VPS13D: variants seen among roughly 807,000 people sequenced by gnomAD.
VPS13D encodes intermembrane lipid transfer protein VPS13D.
Under a neutral mutation model 461.9 loss-of-function variants are expected in VPS13D, and 187 were observed. The ratio of observed to expected loss-of-function variants is 0.40; its 90% CI spans 0.36 to 0.46. The LOEUF (loss-of-function observed/expected upper bound fraction) is 0.46, where lower values mean the gene tolerates loss of function less well. Ranked by LOEUF, VPS13D falls within the 20% of genes least tolerant of loss-of-function variation. The pLI is 0.60. For missense variants in VPS13D, 4,711 were observed against 5,364.9 expected, an observed-to-expected ratio of 0.88 and a Z score of 3.81; for synonymous variants, 1,951 against 1,986.3, an observed-to-expected ratio of 0.98 and a Z score of 0.47.
At chr1:12,373,277 T>C (rs1644150789) in intron 54 of VPS13D, among the ~76,000 whole-genome samples, 1 of 151,634 alleles carries the variant, frequency 6.6e-6, no homozygotes, top group African/African-American at 2.4e-5. Flanking sequence ...CCTGCCTCCA[T>C]GCCCGGCTAA....
Position 12,279,776 on chromosome 1 carries a change from A to G in VPS13D, c.4602+126A>G. The stretch of plus-strand genomic sequence containing the variant: ...TTCAAAGATATATCACCCATGCATA[A>G]TACCATTGTTGAAACCTTGTTCCAA... On this transcript the variant is annotated intron_variant, in intron 20 of 69. Coordinates refer to ENST00000620676, the MANE Select transcript of VPS13D (RefSeq NM_015378.4). This position sits in a 1 kb window ranked among gnomAD's most constrained non-coding sequence, Gnocchi z 4.3. 1 of 857,584 alleles carries G rather than the reference A, an allele frequency of 1.2e-6. No individual in the cohort carries two copies. The highest frequency in any genetic ancestry group is 1.6e-6 in the Non-Finnish European group (1 of 620,894). 53.1% of individuals were successfully genotyped at this position (857,584 alleles called of 1,614,324 possible). A position where few individuals can be genotyped will look rare whatever the true frequency, so the allele number is the denominator to read the frequency against.
chr1:12,335,267 A>G (rs369574393), intron 38 of VPS13D, among the ~76,000 whole-genome samples: 4 of 152,276 alleles, frequency 2.6e-5, no homozygotes, highest in South Asian at 2.1e-4. Flanking sequence ...GGGTTTTGCT[A>G]TGTGGGCCAG....
At chr1:12,508,583 G>A (rs1262288616) in intron 69 of VPS13D, among the ~76,000 whole-genome samples, 3 of 150,228 alleles carry the variant, frequency 2.0e-5, no homozygotes, top group Non-Finnish European at 2.9e-5. Context: ...CTGTGCACAT[G>A]CCTGTAGTCC....
At position 12,444,134 on chromosome 1, in the gene VPS13D, C is replaced by T. The variant is rs558932249; in HGVS notation, c.12334-11864C>T. On this transcript the variant is annotated intron_variant, in intron 65 of 69. Coordinates refer to ENST00000620676, the MANE Select transcript of VPS13D (RefSeq NM_015378.4). The stretch of plus-strand genomic sequence containing the variant: ...GGGATTACAGGTGTGAGCCACCGTG[C>T]CCAGCTTCAGAAAACATCTTTCTTT... Among the ~76,000 whole-genome samples the T allele has an allele frequency of 1.2e-4, 19 of 152,214 alleles. No individual in the cohort carries two copies. The East Asian group carries it at 3.7e-3, about 29-fold the overall frequency.
chr1:12,311,311 C>T, intron 27 of VPS13D, 143 bp from the exon 28 acceptor site: 1 of 648,676 alleles, frequency 1.5e-6, no homozygotes, highest in Non-Finnish European at 2.5e-6. Context: ...TTTGGAGCTA[C>T]ATGAAATTTT....
At chr1:12,481,871 G>C (rs1357510859) in intron 67 of VPS13D, among the ~76,000 whole-genome samples, 2 of 152,206 alleles carry the variant, frequency 1.3e-5, no homozygotes, top group African/African-American at 4.8e-5. Context: ...AAGCAAGGAG[G>C]CAGAGAGCTT....
intron 27 of VPS13D, among the ~76,000 whole-genome samples, chr1:12,310,046 C>T (rs577567635): frequency 8.6e-5 from 13 of 151,830 alleles, no homozygotes; most frequent in Admixed American, 6.6e-4. Context: ...AGAGGAGCTT[C>T]GTTATTTAGA....
In VPS13D at chr1:12,279,947, T is replaced by G. The variant is rs1373589019; in HGVS notation, c.4602+297T>G. On this transcript the variant is annotated intron_variant, in intron 20 of 69. Coordinates refer to ENST00000620676, the MANE Select transcript of VPS13D (RefSeq NM_015378.4). The surrounding 1 kb of genome is among the most constrained non-coding windows in gnomAD (Gnocchi z 4.3). Reference sequence around the variant, plus strand: ...GAAATGATTGCTTACAAAGTCAGAGTCTCCTTTCCCAGGAGGATATCATTC... The same window carrying G: ...GAAATGATTGCTTACAAAGTCAGAGGCTCCTTTCCCAGGAGGATATCATTC... Among the ~76,000 whole-genome samples, 1 of 152,006 alleles carries G rather than the reference T, an allele frequency of 6.6e-6. No homozygotes were observed. The highest frequency in any genetic ancestry group is 2.4e-5 in the African/African-American group (1 of 41,360).
At chr1:12,314,982 ATAAT>A (rs1182232701) in intron 30 of VPS13D, among the ~76,000 whole-genome samples, 3 of 152,254 alleles carry the variant, frequency 2.0e-5, no homozygotes, top group South Asian at 2.1e-4. Context: ...GGTAGAGGTA[ATAAT>A]TAAAGTAATT....
chr1:12,303,760 C>T (rs1037023591), intron 25 of VPS13D, among the ~76,000 whole-genome samples: 6 of 152,192 alleles, frequency 3.9e-5, no homozygotes, highest in Non-Finnish European at 7.3e-5. Flanking sequence ...GCTACGGGAG[C>T]TGTGCAGACA....
In VPS13D at chr1:12,358,612, T is replaced by A. The variant is rs1643908422; in HGVS notation, c.10141+11T>A. 1 of 1,613,378 alleles carries A rather than the reference T, an allele frequency of 6.2e-7. No homozygotes were observed. The highest frequency in any genetic ancestry group is 8.5e-7 in the Non-Finnish European group (1 of 1,179,694). On this transcript the variant is annotated intron_variant, in intron 50 of 69. Transcript: ENST00000620676. ...TGATCTATAACATTGGTGGGTTACA[T>A]TTGGGGCAGCGGGACAATCAGAACC...
At chr1:12,423,690 T>A (rs1282678172) in intron 65 of VPS13D, among the ~76,000 whole-genome samples, 1 of 152,212 alleles carries the variant, frequency 6.6e-6, no homozygotes, top group East Asian at 1.9e-4. Context: ...CTAGCCATGA[T>A]CCAGTGGAAA....
At chr1:12,344,155 A>G (rs1012601486) in intron 42 of VPS13D, among the ~76,000 whole-genome samples, 1 of 152,220 alleles carries the variant, frequency 6.6e-6, no homozygotes, top group Non-Finnish European at 1.5e-5. Context: ...TATCCAGTGG[A>G]TATGAATAGG....
At chr1:12,241,091 C>T (rs940630780) in intron 2 of VPS13D, among the ~76,000 whole-genome samples, 5 of 152,032 alleles carry the variant, frequency 3.3e-5, no homozygotes, top group African/African-American at 9.7e-5. Context: ...CAGATGTGTG[C>T]TACCATGCCT....
chr1:12,466,200 C>T (rs991263575), intron 67 of VPS13D, among the ~76,000 whole-genome samples: 1 of 151,974 alleles, frequency 6.6e-6, no homozygotes, highest in African/African-American at 2.4e-5. Flanking sequence ...TTCATCCTAG[C>T]TGGGTAATAC....
chr1:12,275,694 T>C, intron 18 of VPS13D, 131 bp from the exon 19 acceptor site: 1 of 881,114 alleles, frequency 1.1e-6, no homozygotes, highest in Non-Finnish European at 1.6e-6. Context: ...GATATTATGC[T>C]TAAGAGTTTT....
At chr1:12,408,398 C>T (rs1414604035) in intron 63 of VPS13D, among the ~76,000 whole-genome samples, 4 of 152,122 alleles carry the variant, frequency 2.6e-5, no homozygotes, top group African/African-American at 9.7e-5. Context: ...GACAGGGTCT[C>T]ACTCTGTCAG....
At chr1:12,467,286 C>A (rs1432688807) in intron 67 of VPS13D, among the ~76,000 whole-genome samples, 1 of 152,240 alleles carries the variant, frequency 6.6e-6, no homozygotes, top group African/African-American at 2.4e-5. Context: ...GTTCTCCTGC[C>A]TCAGCCTCCA....
chr1:12,355,906 A>T lies in VPS13D; in HGVS notation c.9687A>T (p.Ser3229=). The T allele has an allele frequency of 6.3e-7, 1 of 1,583,658 alleles. No individual in the cohort carries two copies. Among genetic ancestry groups the T allele is most frequent in the Non-Finnish European group, 8.6e-7 (1 of 1,160,078 alleles). ...DTSQNIELGV[S]LENFPLCKEL... ...AGTTTGTATCTTCTTTAGGGGTATC[A>T]CTGGAGAATTTCCCCCTCTGTAAAG... is the stretch of plus-strand genomic sequence containing the variant. The change falls in exon 48 of 70, where the codon TCA becomes TCT. Residue 3229 remains serine (S), a synonymous_variant. Coordinates refer to ENST00000620676, the MANE Select transcript of VPS13D (RefSeq NM_015378.4).
Sources: allele counts gnomAD v4.1 joint callset (sites outside exome capture counted in the v4.1 genomes callset), GRCh38; gene constraint gnomAD v4.1.1; non-coding constraint Gnocchi (gnomAD v3.1); transcripts MANE v1.5; gene names NCBI Gene and HGNC (gene_info 2026-07-23, HGNC 2026-07-21).